The following TRAF2 variants were observed in gnomAD, a reference collection of about 807,000 sequenced individuals.
TRAF2 encodes the protein TNF receptor associated factor 2, also known as TNF receptor-associated factor 2.
Under a neutral mutation model 55.6 loss-of-function variants are expected in TRAF2, and 6 were observed. The ratio of observed to expected loss-of-function variants is 0.11; its 90% confidence interval spans 0.06 to 0.21. The LOEUF is 0.21. TRAF2 is among the 10% of genes least tolerant of loss of function. The probability of loss-of-function intolerance (pLI) is 1.00; values close to 1 mark genes in which losing one functional copy is unlikely to be tolerated. For synonymous variants in TRAF2, 329 were observed against 276.3 expected, an observed-to-expected ratio of 1.19 and a Z score of -1.89; for missense variants, 561 against 684.5, an observed-to-expected ratio of 0.82 and a Z score of 2.01.
Position 136,925,745 on chromosome 9 carries a change from C to A in TRAF2, c.1350C>A (p.Asp450Glu), listed in dbSNP as rs756823534. ...ACGTGATTGACGCCTTCAGGCCCGA[C>A]GTGACTTCATCCTCTTTTCAGAGGC... Reference protein sequence around the residue: ...REHVIDAFRPDVTSSSFQRPV... With the variant: ...REHVIDAFRPEVTSSSFQRPV... Residue 450 changes from aspartate to glutamate, a missense_variant, in exon 11 of 11, where the codon GAC becomes GAA. Asp to Glu is a conservative substitution (Grantham distance 45, BLOSUM62 2). Coordinates refer to ENST00000247668, the MANE Select transcript of TRAF2 (RefSeq NM_021138.4). The A allele has an allele frequency of 3.1e-6, 5 of 1,614,260 alleles. No individual in the cohort carries two copies. The South Asian group carries it at 3.3e-5, about 11-fold the overall frequency.
intron 5 of TRAF2, 102 bp downstream of exon 5, chr9:136,908,333 G>A (rs967908936): frequency 1.2e-4 from 156 of 1,297,418 alleles, no homozygotes; most frequent in Non-Finnish European, 2.9e-5. Flanking sequence ...CTTTGCACTC[G>A]TTCCACCCCC....
chr9:136,916,430 G>A (rs1850242435), intron 6 of TRAF2, 111 bp from the exon 7 acceptor site: 1 of 1,077,156 alleles, frequency 9.3e-7, no homozygotes, highest in African/African-American at 1.6e-5. Flanking sequence ...AGAGTGAAGA[G>A]GCCAACGGGG....
chr9:136,912,275 C>A (rs536649057), intron 6 of TRAF2, among the ~76,000 whole-genome samples: 1 of 150,636 alleles, frequency 6.6e-6, no homozygotes, highest in Non-Finnish European at 1.5e-5. Context: ...CAGTTCTCTG[C>A]CTCAGCCTCC....
chr9:136,902,404 A>G (rs1564409938), intron 4 of TRAF2: 1 of 152,260 alleles, frequency 6.6e-6, no homozygotes. Context: ...CAGGTGGGAT[A>G]ATAGTTTCCA....
chr9:136,907,052 A>T (rs577198978), intron 4 of TRAF2, among the ~76,000 whole-genome samples: 1 of 152,348 alleles, frequency 6.6e-6, no homozygotes, highest in East Asian at 1.9e-4. Context: ...CTGGGGCAGC[A>T]GTGGGCTGGA....
rs778023831 is a variant in TRAF2, at chr9:136,926,104, G to A, written c.*203G>A. ...TCCTCAGATTTCAGAGACTGCGGAGGGGCTTGGCAGACGGTCTTAGCCAAG... is the reference window on the plus strand; with the variant it reads ...TCCTCAGATTTCAGAGACTGCGGAGAGGCTTGGCAGACGGTCTTAGCCAAG... On this transcript the variant is annotated 3_prime_UTR_variant, in exon 11 of 11. Transcript: ENST00000247668. 2 of 773,446 alleles carry A rather than the reference G, an allele frequency of 2.6e-6. No homozygotes were observed. The highest frequency in any genetic ancestry group is 2.8e-5 in the South Asian group (2 of 71,978). The allele number at this position is 773,446 out of a possible 1,614,324, so 47.9% of individuals were successfully genotyped here.
chr9:136,906,912 C>T (rs1453068451), intron 4 of TRAF2, among the ~76,000 whole-genome samples: 3 of 152,246 alleles, frequency 2.0e-5, no homozygotes, highest in Non-Finnish European at 1.5e-5. Context: ...GCTGCGGCTT[C>T]CCAACCTTAG....
intron 4 of TRAF2, 97 bp downstream of exon 4, chr9:136,900,617 C>T (rs758900739): frequency 7.4e-6 from 7 of 941,372 alleles, no homozygotes; most frequent in Non-Finnish European, 1.2e-5. Flanking sequence ...GCACGTTCCT[C>T]TCACTGGGGC....
chr9:136,899,964 G>A (rs1849775931), intron 3 of TRAF2, among the ~76,000 whole-genome samples: 1 of 152,136 alleles, frequency 6.6e-6, no homozygotes, highest in East Asian at 1.9e-4. Context: ...TAAGGAGTTC[G>A]AGACCAGCCT....
intron 1 of TRAF2, among the ~76,000 whole-genome samples, chr9:136,897,555 C>G (rs1849708782): frequency 6.6e-6 from 1 of 151,606 alleles, no homozygotes; most frequent in African/African-American, 2.4e-5. Context: ...AGGGAATGCA[C>G]TAGCCAGCCC....
chr9:136,916,493 A>C (rs1355402052), intron 6 of TRAF2, 48 bp from the exon 7 acceptor site: 2 of 1,587,926 alleles, frequency 1.3e-6, no homozygotes, highest in African/African-American at 2.7e-5. Context: ...AAGTGCTGAA[A>C]TGCATCAGAA....
chr9:136,890,100 A>G (rs1345336738), intron 1 of TRAF2, among the ~76,000 whole-genome samples: 3 of 132,184 alleles, frequency 2.3e-5, no homozygotes, highest in Non-Finnish European at 1.6e-5. Flanking sequence ...ACGCTTGTTC[A>G]GCCGGTCACC....
intron 5 of TRAF2, among the ~76,000 whole-genome samples, chr9:136,909,672 CCT>C (rs1418949978): frequency 2.0e-5 from 3 of 152,336 alleles, no homozygotes; most frequent in East Asian, 1.9e-4. Flanking sequence ...TTCCAAATCT[CCT>C]CTGGTGGCTT....
At chr9:136,913,225 C>G (rs896531673) in intron 6 of TRAF2, among the ~76,000 whole-genome samples, 13 of 150,480 alleles carry the variant, frequency 8.6e-5, no homozygotes, top group Admixed American at 4.6e-4. Flanking sequence ...TTCTTCGAAG[C>G]TCTTTTTGTT....
intron 7 of TRAF2, among the ~76,000 whole-genome samples, chr9:136,918,076 A>G (rs1199968600): frequency 2.0e-5 from 3 of 151,772 alleles, no homozygotes; most frequent in African/African-American, 7.3e-5. Flanking sequence ...TGGTCCCAAC[A>G]GCAGCACTCT....
At chr9:136,924,425 G>GGT (rs1313847406) in intron 10 of TRAF2, among the ~76,000 whole-genome samples, 1 of 151,948 alleles carries the variant, frequency 6.6e-6, no homozygotes, top group Non-Finnish European at 1.5e-5. Context: ...AGCCGGGCAT[G>GGT]GTGGTGTGCA....
intron 4 of TRAF2, among the ~76,000 whole-genome samples, chr9:136,901,099 T>TGTGTGCTGGGTGAGCC (rs1849810199): frequency 6.6e-6 from 1 of 151,868 alleles, no homozygotes; most frequent in Non-Finnish European, 1.5e-5. Flanking sequence ...GGTTTGTCCC[T>TGTGTGCTGGGTGAGCC]GTGTGCTGGG....
chr9:136,919,882 A>G (rs1328225815), intron 7 of TRAF2, among the ~76,000 whole-genome samples: 1 of 152,006 alleles, frequency 6.6e-6, no homozygotes, highest in African/African-American at 2.4e-5. Context: ...TGCCCAGCTA[A>G]TTTTTAAAAA....
chr9:136,920,644 C>T, intron 8 of TRAF2, 129 bp downstream of exon 8: 2 of 1,268,000 alleles, frequency 1.6e-6, no homozygotes, highest in Non-Finnish European at 1.1e-6. Context: ...TCTGCAAACC[C>T]CAGTCCAGTG....
Sources: gnomAD v4.1 joint callset for allele counts (sites outside exome capture counted in the v4.1 genomes callset) on GRCh38, gnomAD v4.1.1 for gene constraint, MANE v1.5 for transcripts, NCBI Gene and HGNC (gene_info 2026-07-23, HGNC 2026-07-21) for gene names.